ACADM: variants seen among roughly 807,000 people sequenced by gnomAD.
The protein encoded by ACADM is acyl-CoA dehydrogenase medium chain.
A neutral mutation model predicts 58.9 loss-of-function variants in ACADM; 49 were observed. The observed-to-expected ratio is 0.83, with a 90% CI of 0.66 to 1.06. The LOEUF is 1.06. ACADM is among the 50% of genes least tolerant of loss of function. The pLI is 0.00. For synonymous variants in ACADM, 160 were observed against 157.7 expected (o/e 1.01, Z -0.11); for missense variants, 496 against 507.0 (o/e 0.98, Z 0.21).
intron 2 of ACADM, among the ~76,000 whole-genome samples, chr1:75,729,177 A>T (rs1053419659): frequency 6.6e-5 from 9 of 136,468 alleles, no homozygotes; most frequent in African/African-American, 2.2e-4. Flanking sequence ...CTCCAGAGTT[A>T]TTTTTTTTAT....
In ACADM at chr1:75,761,567, A is replaced by T. The variant is rs955900033; in HGVS notation, c.1194+197A>T. ...TGATTAAGTATAAGTCTGAAGAGAG[A>T]ATAGGCTAAAAAAAATGGTACAGAC... On this transcript the variant is annotated intron_variant, in intron 11 of 11. Coordinates refer to ENST00000370841, the MANE Select transcript of ACADM (RefSeq NM_000016.6). 1.4e-5 allele frequency: 9 copies of T among 626,150 alleles called. No individual in the cohort carries two copies. The African/African-American group carries it at 1.7e-4, about 12-fold the overall frequency. The allele number at this position is 626,150 out of a possible 1,614,324, so 38.8% of individuals were successfully genotyped here.
intron 2 of ACADM, 112 bp downstream of exon 2, chr1:75,728,600 C>T: frequency 1.3e-6 from 1 of 772,676 alleles, no homozygotes; most frequent in Non-Finnish European, 2.2e-6. Context: ...ATGAGTAGAA[C>T]CAGTCCACTG....
chr1:75,737,229 TC>T (rs1647297929), intron 6 of ACADM, among the ~76,000 whole-genome samples: 1 of 131,676 alleles, frequency 7.6e-6, no homozygotes, highest in Non-Finnish European at 1.6e-5. Context: ...GGCCAGGAGT[TC>T]AAGACCAGCC....
chr1:75,760,051 C>T (rs998971970), intron 10 of ACADM, among the ~76,000 whole-genome samples: 5 of 151,740 alleles, frequency 3.3e-5, no homozygotes, highest in Admixed American at 1.3e-4. Context: ...GTGGGTGGAT[C>T]CCTTGAGCCC....
At chr1:75,736,793 C>T (rs12563737) in intron 6 of ACADM, among the ~76,000 whole-genome samples, 39,963 of 152,012 alleles carry the variant, frequency 0.26, 6,587 homozygotes, top group East Asian at 0.69. Context: ...TTAAGTAGAA[C>T]AAAAATATCT....
At chr1:75,753,407 TC>T (rs1288848152) in intron 10 of ACADM, among the ~76,000 whole-genome samples, 1 of 151,938 alleles carries the variant, frequency 6.6e-6, no homozygotes, top group African/African-American at 2.4e-5. Context: ...TCTGTTTCTT[TC>T]CTATGAGCTT....
chr1:75,729,288 C>CTTTTTT (rs1387865195), intron 2 of ACADM, among the ~76,000 whole-genome samples: 3 of 52,970 alleles, frequency 5.7e-5, no homozygotes, highest in African/African-American at 1.5e-4. Context: ...TTCTTTCTTT[C>CTTTTTT]TTTTTTCTTT....
In ACADM at chr1:75,760,191, C is replaced by A. The variant is rs1179577311; in HGVS notation, c.946-931C>A. On this transcript the variant is annotated intron_variant, in intron 10 of 11. Coordinates refer to ENST00000370841, the MANE Select transcript of ACADM (RefSeq NM_000016.6). ...ATCCTAGCACTTTGGGAGGCTGAGG[C>A]GGGTGGATCACCTGCGATCAGGAGT... is the stretch of plus-strand genomic sequence containing the variant. Among the ~76,000 whole-genome samples, 4 of 136,906 alleles carry A rather than the reference C, an allele frequency of 2.9e-5. 1 individual carries two copies. Among genetic ancestry groups the A allele is most frequent in the South Asian group, 4.9e-4 (2 of 4,054 alleles). The allele number at this position is 136,906 out of a possible 152,430, so 89.8% of individuals were successfully genotyped here. A position where few individuals can be genotyped will look rare whatever the true frequency, so the allele number is the denominator to read the frequency against.
intron 8 of ACADM, among the ~76,000 whole-genome samples, chr1:75,747,317 G>A (rs907655026): frequency 6.6e-6 from 1 of 151,034 alleles, no homozygotes; most frequent in Admixed American, 6.6e-5. Flanking sequence ...TTTATGTAGT[G>A]CATACTATAT....
In ACADM at chr1:75,745,887, T is replaced by C. The variant is rs1162806907; in HGVS notation, c.681T>C (p.Asp227=). ...KAFTGFIVEA[D]TPGIQIGRKE... is the part of the protein sequence containing the mutation. ...TTACTGGATTCATTGTGGAAGCAGA[T>C]ACCCCAGGAATTCAGATTGGGAGAA... is the stretch of plus-strand genomic sequence containing the variant. Residue 227 remains aspartate, a synonymous_variant, in exon 8 of 12, where the codon GAT becomes GAC. Coordinates refer to ENST00000370841, the MANE Select transcript of ACADM (RefSeq NM_000016.6). 1 of 1,613,098 alleles carries C rather than the reference T, an allele frequency of 6.2e-7. No homozygotes were observed. Among genetic ancestry groups the C allele is most frequent in the Non-Finnish European group, 8.5e-7 (1 of 1,179,280 alleles).
chr1:75,732,831 A>G, intron 3 of ACADM, 22 bp from the exon 4 acceptor site: 1 of 1,610,672 alleles, frequency 6.2e-7, no homozygotes, highest in Non-Finnish European at 8.5e-7. Flanking sequence ...AATATATTTT[A>G]ACTCAGTTCT....
intron 10 of ACADM, 171 bp downstream of exon 10, chr1:75,750,717 A>G (rs1052518311): frequency 2.0e-5 from 13 of 656,162 alleles, no homozygotes; most frequent in Non-Finnish European, 3.3e-5. Context: ...GTGTGCCACT[A>G]TTGGTTACTT....
At chr1:75,737,326 A>ATATATATATG (rs1647327054) in intron 6 of ACADM, among the ~76,000 whole-genome samples, 1 of 108,582 alleles carries the variant, frequency 9.2e-6, no homozygotes, top group African/African-American at 3.6e-5. Context: ...ATATATATAT[A>ATATATATATG]TGAAACCAAA....
chr1:75,742,017 T>C (rs1413278410), intron 7 of ACADM, among the ~76,000 whole-genome samples: 1 of 152,232 alleles, frequency 6.6e-6, no homozygotes, highest in East Asian at 1.9e-4. Flanking sequence ...TTTATTTATT[T>C]ATTTTTTTGA....
At chr1:75,731,296 AAAAAAAAAAG>A (rs1457556735) in intron 2 of ACADM, among the ~76,000 whole-genome samples, 147 of 151,004 alleles carry the variant, frequency 9.7e-4, no homozygotes, top group African/African-American at 2.9e-3. Flanking sequence ...AAAAAAAAAA[AAAAAAAAAAG>A]AGATTTGATC....
intron 7 of ACADM, chr1:75,744,527 C>T: frequency 1.3e-6 from 2 of 1,509,746 alleles, no homozygotes; most frequent in South Asian, 2.2e-5. Flanking sequence ...ACATCTCCCT[C>T]TGTGACAGGT....
intron 8 of ACADM, among the ~76,000 whole-genome samples, chr1:75,747,736 A>C (rs1399573138): frequency 6.6e-6 from 1 of 152,212 alleles, no homozygotes; most frequent in Non-Finnish European, 1.5e-5. Flanking sequence ...GCAGTGAGCC[A>C]TGCTCCTGTT....
rs747231686 is a variant in ACADM at position 75,761,148 on chromosome 1, T to A, written c.972T>A (p.Ala324=). 4.3e-6 allele frequency: 7 copies of A among 1,613,918 alleles called. No homozygotes were observed. Among genetic ancestry groups the A allele is most frequent in the African/African-American group, 4.0e-5 (3 of 74,938 alleles). The change falls in exon 11 of 12, where the codon GCT becomes GCA. Residue 324 remains alanine, a synonymous_variant. Transcript: ENST00000370841. ...VEHQAISFML[A]EMAMKVELAR... ...ACCAAGCAATATCATTTATGCTGGC[T>A]GAAATGGCAATGAAAGTTGAACTAG... is the stretch of plus-strand genomic sequence containing the variant.
intron 10 of ACADM, among the ~76,000 whole-genome samples, chr1:75,760,521 G>A (rs1648775034): frequency 1.2e-5 from 1 of 80,180 alleles, no homozygotes; most frequent in Non-Finnish European, 2.3e-5. Flanking sequence ...TTCCAGCCTG[G>A]AAAACAAAGT....
Sources: gnomAD v4.1 joint callset for allele counts (sites outside exome capture counted in the v4.1 genomes callset) on GRCh38, gnomAD v4.1.1 for gene constraint, MANE v1.5 for transcripts, NCBI Gene and HGNC (gene_info 2026-07-23, HGNC 2026-07-21) for gene names.